The following TIAM2 variants were observed in gnomAD, a reference collection of about 807,000 sequenced individuals.
TIAM2 encodes TIAM Rac1 associated GEF 2, also known as rho guanine nucleotide exchange factor TIAM2.
A neutral mutation model predicts 152.9 loss-of-function variants in TIAM2; 80 were observed. The observed-to-expected ratio is 0.52, with a 90% CI of 0.44 to 0.63. The LOEUF (loss-of-function observed/expected upper bound fraction) is 0.63, where lower values mean the gene tolerates loss of function less well. TIAM2 is among the 30% of genes least tolerant of loss of function. The pLI, the probability that TIAM2 is intolerant of heterozygous loss-of-function variation, is 0.00. For missense variants in TIAM2, 1,965 were observed against 2,120.1 expected, an observed-to-expected ratio of 0.93 and a Z score of 1.44; for synonymous variants, 804 against 838.0, an observed-to-expected ratio of 0.96 and a Z score of 0.70.
intron 15 of TIAM2, among the ~76,000 whole-genome samples, chr6:155,216,192 C>T (rs1408297344): frequency 6.6e-6 from 1 of 152,032 alleles, no homozygotes; most frequent in Non-Finnish European, 1.5e-5. Context: ...GGGACTCCCC[C>T]CGCCCCACCC....
At chr6:155,042,187 T>G (rs1777061327) in intron 1 of TIAM2, among the ~76,000 whole-genome samples, 1 of 151,956 alleles carries the variant, frequency 6.6e-6, no homozygotes, top group African/African-American at 2.4e-5. Flanking sequence ...CTCATTCCGC[T>G]ACACCACCGC....
intron 1 of TIAM2, among the ~76,000 whole-genome samples, chr6:155,010,605 G>A (rs1002163244): frequency 2.6e-5 from 4 of 152,098 alleles, no homozygotes; most frequent in Non-Finnish European, 4.4e-5. Context: ...ACAGGCATGC[G>A]CCACCATGCC....
chr6:155,126,821 T>A (rs1237207089), intron 2 of TIAM2, among the ~76,000 whole-genome samples: 1 of 152,154 alleles, frequency 6.6e-6, no homozygotes, highest in Non-Finnish European at 1.5e-5. Flanking sequence ...TTTTTTTTTT[T>A]TTTAAAGGAA....
At chr6:155,007,551 T>C (rs1778422509) in intron 1 of TIAM2, among the ~76,000 whole-genome samples, 1 of 152,126 alleles carries the variant, frequency 6.6e-6, no homozygotes, top group Admixed American at 6.6e-5. Flanking sequence ...TTGAATATAT[T>C]AGTTATAAGC....
At chr6:155,138,775 T>C (rs1250469194) in intron 5 of TIAM2, among the ~76,000 whole-genome samples, 1 of 152,228 alleles carries the variant, frequency 6.6e-6, no homozygotes, top group African/African-American at 2.4e-5. Context: ...TCATCCTTTT[T>C]TATGGCTGCA....
At chr6:155,152,892 A>G (rs765975838) in intron 7 of TIAM2, among the ~76,000 whole-genome samples, 1 of 152,162 alleles carries the variant, frequency 6.6e-6, no homozygotes, top group Non-Finnish European at 1.5e-5. Context: ...TTTGCATTAA[A>G]TGTAATTGTA....
chr6:155,148,335 G>A lies in TIAM2; in HGVS notation c.2028+1G>A. On this transcript the variant is annotated splice_donor_variant, in intron 7 of 26. Coordinates refer to ENST00000682666, the MANE Select transcript of TIAM2 (RefSeq NM_012454.4). LOFTEE classifies it high-confidence loss of function. ...GAACAGGAAAGCCATAGAGAACCAG[G>A]TACTGTTTGTCTACACCTGAGTTTT... 5 of 1,610,400 alleles carry A rather than the reference G, an allele frequency of 3.1e-6. No homozygotes were observed. The highest frequency in any genetic ancestry group is 4.2e-6 in the Non-Finnish European group (5 of 1,179,150).
chr6:155,043,193 T>C (rs1413547723), intron 1 of TIAM2, among the ~76,000 whole-genome samples: 2 of 152,190 alleles, frequency 1.3e-5, no homozygotes, highest in East Asian at 3.8e-4. Context: ...TGCACTCACC[T>C]GCTGCCCTCT....
At chr6:155,123,711 C>T (rs955317572) in intron 2 of TIAM2, among the ~76,000 whole-genome samples, 4 of 152,110 alleles carry the variant, frequency 2.6e-5, no homozygotes, top group Non-Finnish European at 2.9e-5. Flanking sequence ...CAGTTTTGTC[C>T]GCTGGTTTTG....
At chr6:155,077,519 G>A (rs921318193) in intron 1 of TIAM2, among the ~76,000 whole-genome samples, 3 of 152,110 alleles carry the variant, frequency 2.0e-5, no homozygotes, top group Non-Finnish European at 4.4e-5. Flanking sequence ...TTGAGGCCTG[G>A]CCTTGGTATT....
chr6:155,161,059 C>T (rs1780256293), intron 7 of TIAM2, among the ~76,000 whole-genome samples: 1 of 152,220 alleles, frequency 6.6e-6, no homozygotes, highest in Admixed American at 6.5e-5. Flanking sequence ...CATCTGGGTC[C>T]ATGTTCTCCC....
At chr6:155,177,461 C>T (rs920255619) in intron 10 of TIAM2, among the ~76,000 whole-genome samples, 18 of 152,154 alleles carry the variant, frequency 1.2e-4, no homozygotes, top group Admixed American at 7.2e-4. Context: ...GGGTTTCATT[C>T]CTGATCTGAG....
At chr6:155,048,434 C>T (rs907086549) in intron 1 of TIAM2, among the ~76,000 whole-genome samples, 27 of 152,086 alleles carry the variant, frequency 1.8e-4, no homozygotes, top group African/African-American at 6.5e-4. Flanking sequence ...TTGCCACTGT[C>T]CTTTGTAACA....
chr6:155,253,088 C>A, intron 24 of TIAM2, 35 bp downstream of exon 24: 1 of 1,544,034 alleles, frequency 6.5e-7, no homozygotes, highest in Non-Finnish European at 8.9e-7. Context: ...CCAGAAAAAG[C>A]ATTTTAGTAG....
chr6:155,161,574 T>C (rs563897561), intron 7 of TIAM2, among the ~76,000 whole-genome samples: 10 of 150,764 alleles, frequency 6.6e-5, no homozygotes, highest in African/African-American at 2.4e-4. Flanking sequence ...TTGTCTTTTT[T>C]TTTTTTTTTC....
chr6:154,998,601 GC>G (rs951822250), intron 1 of TIAM2, among the ~76,000 whole-genome samples: 1 of 152,162 alleles, frequency 6.6e-6, no homozygotes, highest in African/African-American at 2.4e-5. Context: ...TATCATGCAA[GC>G]ATTTATAAGA....
In TIAM2 at chr6:155,130,113, C is replaced by T; in HGVS notation, c.890C>T (p.Ser297Phe). ...KKPFNQSSSLSSLRELYKDAN... is the reference protein window; with the variant it reads ...KKPFNQSSSLFSLRELYKDAN... ...CCTTTCAACCAAAGCTCTTCCCTCT[C>T]CTCCCTCCGGGAACTGTACAAAGAT... Residue 297 changes from serine to phenylalanine, a missense_variant, in exon 4 of 27, where the codon TCC becomes TTC. Physicochemically the swap from Ser to Phe is radical, Grantham distance 155. Around this residue, in one of 3 missense-constraint regions of TIAM2, gnomAD observed 1,025 missense variants for 1,119.4 expected, o/e 0.92. Transcript: ENST00000682666. 3 of 1,614,180 alleles carry T rather than the reference C, an allele frequency of 1.9e-6. No individual in the cohort carries two copies. Among genetic ancestry groups the T allele is most frequent in the Non-Finnish European group, 2.5e-6 (3 of 1,180,044 alleles).
At chr6:155,204,679 A>C (rs1299090748) in intron 14 of TIAM2, among the ~76,000 whole-genome samples, 3 of 152,210 alleles carry the variant, frequency 2.0e-5, no homozygotes, top group Admixed American at 2.0e-4. Context: ...TATGCTTTGA[A>C]GCATGAAAAA....
intron 1 of TIAM2, among the ~76,000 whole-genome samples, chr6:155,000,702 C>T (rs185920737): frequency 3.9e-5 from 6 of 152,100 alleles, no homozygotes; most frequent in African/African-American, 7.2e-5. Context: ...AAACCAGTTC[C>T]GTTCAGGCAC....
Sources: allele counts gnomAD v4.1 joint callset (sites outside exome capture counted in the v4.1 genomes callset), GRCh38; gene constraint gnomAD v4.1.1; regional missense constraint gnomAD v4.1.1; transcripts MANE v1.5; gene names NCBI Gene and HGNC (gene_info 2026-07-23, HGNC 2026-07-21).